Variants in IL16 observed in about 807,000 individuals in gnomAD.
IL16 encodes pro-interleukin-16.
In IL16, 67 loss-of-function variants were observed where a neutral mutation model predicts 110.1. The observed-to-expected ratio is 0.61, with a 90% CI of 0.50 to 0.75. The LOEUF (loss-of-function observed/expected upper bound fraction) is 0.75, where lower values mean the gene tolerates loss of function less well. Ranked by LOEUF, IL16 falls within the 30% of genes least tolerant of loss-of-function variation. IL16 has a pLI of 0.00. For missense variants in IL16, 1,545 were observed against 1,655.0 expected (o/e 0.93, Z 1.15); for synonymous variants, 689 against 662.9 (o/e 1.04, Z -0.61).
chr15:81,243,171 T>A (rs1455418902), intron 2 of IL16, among the ~76,000 whole-genome samples: 487 of 47,168 alleles, frequency 0.01, 1 homozygote, highest in Middle Eastern at 0.032. Flanking sequence ...ATATTTTTTT[T>A]TTTTTTTTTT....
rs144571346 is a variant in IL16 at position 81,196,997 on chromosome 15, C to T, written c.-257C>T. 382 of 1,283,618 alleles carry T rather than the reference C, an allele frequency of 3.0e-4. No homozygotes were observed. The African/African-American group carries it at 5.2e-3, about 17-fold the overall frequency. The allele number at this position is 1,283,618 out of a possible 1,614,324, so 79.5% of individuals were successfully genotyped here. A position where few individuals can be genotyped will look rare whatever the true frequency, so the allele number is the denominator to read the frequency against. ...GGCCGGCCTCCGTCTGAGAACTGAG[C>T]GTCCATTTCTCAATCCTTGCCGGCT... On this transcript the variant is annotated 5_prime_UTR_variant, in exon 1 of 19. Coordinates refer to ENST00000683961, the MANE Select transcript of IL16 (RefSeq NM_172217.5).
At chr15:81,250,260 C>T (rs1381911446) in intron 2 of IL16, among the ~76,000 whole-genome samples, 3 of 152,168 alleles carry the variant, frequency 2.0e-5, no homozygotes, top group African/African-American at 7.2e-5. Context: ...ACCTCTGCCT[C>T]CTGAGTTCAA....
At chr15:81,265,023 A>G (rs1236432451) in intron 3 of IL16, among the ~76,000 whole-genome samples, 1 of 152,198 alleles carries the variant, frequency 6.6e-6, no homozygotes, top group South Asian at 2.1e-4. Context: ...TCATCTGTGA[A>G]GGTTTTCCCA....
chr15:81,312,771 T>G lies in IL16; in HGVS notation c.*3973T>G, dbSNP rs965021787. ...CGGCATTAAAGCCATATACAAGGTC[T>G]ATATCAGAAAAATATATTTGGGGGG... On this transcript the variant is annotated 3_prime_UTR_variant, in exon 19 of 19. Coordinates refer to ENST00000683961, the MANE Select transcript of IL16 (RefSeq NM_172217.5). 4.6e-5 allele frequency: 7 copies of G among 152,436 alleles called. No individual in the cohort carries two copies. The highest frequency in any genetic ancestry group is 3.9e-4 in the Admixed American group (6 of 15,292). The allele number at this position is 152,436 out of a possible 1,614,324, so 9.4% of individuals were successfully genotyped here.
At chr15:81,205,606 A>G (rs1488381305) in intron 1 of IL16, among the ~76,000 whole-genome samples, 1 of 152,150 alleles carries the variant, frequency 6.6e-6, no homozygotes, top group Non-Finnish European at 1.5e-5. Context: ...AGGAGCCATA[A>G]TAAGAAAAAC....
At chr15:81,296,112 G>A (rs1433540956) in intron 12 of IL16, among the ~76,000 whole-genome samples, 1 of 152,126 alleles carries the variant, frequency 6.6e-6, no homozygotes, top group East Asian at 1.9e-4. Flanking sequence ...CTGCCTCTCT[G>A]CCTGCAAAAT....
intron 8 of IL16, 46 bp from the exon 9 acceptor site, chr15:81,282,593 G>A (rs1899229590): frequency 6.9e-7 from 1 of 1,443,814 alleles, no homozygotes; most frequent in Admixed American, 1.7e-5. Flanking sequence ...GGCCCCCTGG[G>A]AAAGCTCAGT....
intron 2 of IL16, among the ~76,000 whole-genome samples, chr15:81,237,905 T>G (rs1026159896): frequency 6.6e-6 from 1 of 151,512 alleles, no homozygotes; most frequent in African/African-American, 2.4e-5. Flanking sequence ...TTATTTATTT[T>G]ATTTATTTAT....
chr15:81,229,656 G>T (rs1896905616), intron 2 of IL16, among the ~76,000 whole-genome samples: 1 of 152,136 alleles, frequency 6.6e-6, no homozygotes, highest in African/African-American at 2.4e-5. Flanking sequence ...AAGGCCAAAG[G>T]CAACAGCAGG....
intron 6 of IL16, among the ~76,000 whole-genome samples, chr15:81,277,161 T>G (rs1019281044): frequency 1.3e-5 from 2 of 152,056 alleles, no homozygotes; most frequent in Non-Finnish European, 2.9e-5. Flanking sequence ...ATTAGTGAAC[T>G]GGAAATTATC....
chr15:81,278,111 C>T (rs530378376), intron 6 of IL16, among the ~76,000 whole-genome samples: 3 of 152,032 alleles, frequency 2.0e-5, no homozygotes, highest in Admixed American at 1.3e-4. Flanking sequence ...TCACTTTTCT[C>T]TATTGTAAAA....
rs780261102 is a variant in IL16, at chr15:81,189,285, G to A, written c.40+6389G>A. Among the ~76,000 whole-genome samples, 32 of 152,016 alleles carry A rather than the reference G, an allele frequency of 2.1e-4. No homozygotes were observed. In the Middle Eastern group the frequency reaches 0.014, roughly 65 times the overall value. On this transcript the variant is annotated intron_variant, in intron 1 of 18. Transcript: ENST00000302987. ...ATTACAGGAGCCTGCCATCGTGCCC[G>A]GCTAAGTTTTGTATTTTTAGTACAG...
chr15:81,288,386 G>C (rs1324920123), intron 10 of IL16, among the ~76,000 whole-genome samples: 3 of 152,166 alleles, frequency 2.0e-5, no homozygotes, highest in Non-Finnish European at 4.4e-5. Context: ...CCTCTAGTAA[G>C]AGTTTACCAT....
chr15:81,235,411 A>G (rs1354507207), intron 2 of IL16, among the ~76,000 whole-genome samples: 1 of 152,066 alleles, frequency 6.6e-6, no homozygotes, highest in Non-Finnish European at 1.5e-5. Context: ...GAGAGAGGAG[A>G]TCCCAGACTC....
chr15:81,297,085 T>C lies in IL16; in HGVS notation c.2053+7T>C, dbSNP rs1278910561. On this transcript the variant is annotated splice_region_variant and intron_variant, in intron 13 of 18. Coordinates refer to ENST00000683961, the MANE Select transcript of IL16 (RefSeq NM_172217.5). ...TGGAGAAGAGCCAGCCCAGGTAAGC[T>C]TTCATTGAGATCTTCCAAAAGGAAG... is the stretch of plus-strand genomic sequence containing the variant. 2.5e-6 allele frequency: 4 copies of C among 1,602,788 alleles called. No homozygotes were observed. Among genetic ancestry groups the C allele is most frequent in the Admixed American group, 1.8e-5 (1 of 57,130 alleles).
chr15:81,304,140 C>G (rs1900433061), intron 16 of IL16, among the ~76,000 whole-genome samples: 1 of 152,252 alleles, frequency 6.6e-6, no homozygotes, highest in Non-Finnish European at 1.5e-5. Flanking sequence ...CACCCCCTTG[C>G]AGTGGCAATC....
At chr15:81,288,141 G>A (rs912569733) in intron 10 of IL16, among the ~76,000 whole-genome samples, 2 of 152,222 alleles carry the variant, frequency 1.3e-5, no homozygotes, top group African/African-American at 4.8e-5. Flanking sequence ...GGACAGGTAA[G>A]GTTTAGAGCA....
intron 12 of IL16, among the ~76,000 whole-genome samples, chr15:81,296,637 G>C (rs1302568901): frequency 6.6e-6 from 1 of 152,092 alleles, no homozygotes; most frequent in Admixed American, 6.5e-5. Flanking sequence ...CACACTCAAA[G>C]CCTTTTGTTC....
At chr15:81,231,011 C>T (rs1038799276) in intron 2 of IL16, among the ~76,000 whole-genome samples, 3 of 151,862 alleles carry the variant, frequency 2.0e-5, no homozygotes, top group African/African-American at 7.3e-5. Flanking sequence ...ACTCCTACAT[C>T]TCAGAAGTCA....
Sources: allele counts gnomAD v4.1 joint callset (sites outside exome capture counted in the v4.1 genomes callset), GRCh38; gene constraint gnomAD v4.1.1; transcripts MANE v1.5; gene names NCBI Gene and HGNC (gene_info 2026-07-23, HGNC 2026-07-21).